The following ZNF407 variants were observed in gnomAD, a reference collection of about 807,000 sequenced individuals.
ZNF407 encodes the protein zinc finger protein 407.
In ZNF407, 17 loss-of-function variants were observed where a neutral mutation model predicts 131.2. The observed-to-expected ratio is 0.13, with a 90% CI of 0.09 to 0.19. ZNF407 has a LOEUF of 0.19. Ranked by LOEUF, ZNF407 falls within the 10% of genes least tolerant of loss-of-function variation. The pLI is 1.00. For synonymous variants in ZNF407, 1,156 were observed against 1,062.0 expected, an observed-to-expected ratio of 1.09 and a Z score of -1.72; for missense variants, 2,681 against 2,830.6, an observed-to-expected ratio of 0.95 and a Z score of 1.20.
chr18:74,842,860 G>T (rs1381405191), intron 4 of ZNF407, among the ~76,000 whole-genome samples: 1 of 151,938 alleles, frequency 6.6e-6, no homozygotes, highest in African/African-American at 2.4e-5. Flanking sequence ...AGTAGCTGGG[G>T]CATGAACCAA....
intron 3 of ZNF407, among the ~76,000 whole-genome samples, chr18:74,700,181 C>T (rs1363283976): frequency 1.3e-5 from 2 of 152,188 alleles, no homozygotes; most frequent in East Asian, 1.9e-4. Flanking sequence ...TAATATTCTG[C>T]TATTTTCTAA....
In ZNF407 at chr18:74,877,350, C is replaced by T. The variant is rs776486666; in HGVS notation, c.5031C>T (p.Tyr1677=). 3.1e-6 allele frequency: 5 copies of T among 1,613,138 alleles called. No individual in the cohort carries two copies. The East Asian group carries it at 8.9e-5, about 29-fold the overall frequency. The change falls in exon 5 of 9, where the codon TAC becomes TAT. Residue 1677 remains tyrosine (Y), a synonymous_variant. Transcript: ENST00000299687. The part of the protein sequence containing the change: ...FLTASAMKDH[Y]RTHTGEKSFL... ...CAGCCTCCGCAATGAAAGACCACTACAGGACGCACACAGGTGTGCCGCGCC... is the reference window on the plus strand; with the variant it reads ...CAGCCTCCGCAATGAAAGACCACTATAGGACGCACACAGGTGTGCCGCGCC...
chr18:74,965,844 G>A (rs1224167603), intron 8 of ZNF407, among the ~76,000 whole-genome samples: 2 of 152,066 alleles, frequency 1.3e-5, no homozygotes, highest in East Asian at 1.9e-4. Flanking sequence ...TTGAATATAA[G>A]CCATTTTAAC....
In ZNF407 at chr18:74,961,589, G is replaced by A. The variant is rs150942188; in HGVS notation, c.5428+40897G>A. Among the ~76,000 whole-genome samples the A allele has an allele frequency of 3.4e-4, 51 of 152,010 alleles. 1 individual carries two copies. Among genetic ancestry groups the A allele is most frequent in the African/African-American group, 8.2e-4 (34 of 41,450 alleles). On this transcript the variant is annotated intron_variant, in intron 8 of 8. Coordinates refer to ENST00000299687, the MANE Select transcript of ZNF407 (RefSeq NM_017757.3). ...CAAAAAATTAGCTGGGTGTGGTGACGCGTGCCAATAGTCCCAGCTACTCGG... is the reference window on the plus strand; with the variant it reads ...CAAAAAATTAGCTGGGTGTGGTGACACGTGCCAATAGTCCCAGCTACTCGG...
At chr18:74,666,101 A>AGTGG (rs1985918943) in intron 3 of ZNF407, among the ~76,000 whole-genome samples, 1 of 152,170 alleles carries the variant, frequency 6.6e-6, no homozygotes, top group Non-Finnish European at 1.5e-5. Context: ...GACGTGGTGC[A>AGTGG]GTGGGAGCCT....
At chr18:74,765,998 C>T (rs905304084) in intron 3 of ZNF407, among the ~76,000 whole-genome samples, 10 of 148,536 alleles carry the variant, frequency 6.7e-5, no homozygotes, top group Admixed American at 2.0e-4. Flanking sequence ...CTGTGATATA[C>T]GCATATTACT....
In ZNF407 at chr18:74,913,360, C is replaced by T. The variant is rs901880575; in HGVS notation, c.5250-7154C>T. ...AATAGGTTGTGTCCACACTGAAATA[C>T]TATGAAGCTGTTAAAAAGGAGAAAA... On this transcript the variant is annotated intron_variant, in intron 7 of 8. Coordinates refer to ENST00000299687, the MANE Select transcript of ZNF407 (RefSeq NM_017757.3). Among the ~76,000 whole-genome samples the T allele has an allele frequency of 5.3e-5, 8 of 152,210 alleles. No homozygotes were observed. In the East Asian group the frequency reaches 1.5e-3, roughly 29 times the overall value.
At chr18:74,977,982 G>T (rs1417101345) in intron 8 of ZNF407, among the ~76,000 whole-genome samples, 1 of 152,022 alleles carries the variant, frequency 6.6e-6, no homozygotes, top group East Asian at 1.9e-4. Flanking sequence ...ATTTTAATGT[G>T]GTCTAACTTT....
At chr18:74,829,927 A>G (rs1250860473) in intron 4 of ZNF407, among the ~76,000 whole-genome samples, 3 of 151,970 alleles carry the variant, frequency 2.0e-5, no homozygotes, top group Non-Finnish European at 4.4e-5. Context: ...TCCCGTTGTG[A>G]CTGTATTTGG....
At chr18:74,915,694 AGTGTGTGTGTGTGTGT>A (rs148897853) in intron 7 of ZNF407, among the ~76,000 whole-genome samples, 1 of 5,824 alleles carries the variant, frequency 1.7e-4, no homozygotes, top group South Asian at 0.011. Context: ...TCGAATCGGG[AGTGTGTGTGTGTGTGT>A]GTGTGTGTGT....
intron 4 of ZNF407, among the ~76,000 whole-genome samples, chr18:74,847,977 A>G (rs886916665): frequency 4.6e-5 from 7 of 151,946 alleles, no homozygotes; most frequent in Non-Finnish European, 8.8e-5. Context: ...TATACTGACT[A>G]GTTTTTTCAG....
At chr18:74,640,879 A>G (rs933926770) in intron 2 of ZNF407, 129 bp from the exon 3 acceptor site, 1 of 661,162 alleles carries the variant, frequency 1.5e-6, no homozygotes, top group Non-Finnish European at 2.7e-6. Context: ...AATGAATGCA[A>G]GTATTCCATT....
At chr18:74,710,099 C>T (rs1967722100) in intron 3 of ZNF407, among the ~76,000 whole-genome samples, 1 of 152,128 alleles carries the variant, frequency 6.6e-6, no homozygotes, top group Non-Finnish European at 1.5e-5. Flanking sequence ...AGTGCTTTGG[C>T]ATTTCAGAAG....
intron 3 of ZNF407, among the ~76,000 whole-genome samples, chr18:74,709,719 T>G (rs1325544206): frequency 6.6e-6 from 1 of 152,244 alleles, no homozygotes; most frequent in Non-Finnish European, 1.5e-5. Context: ...AATTACTGTA[T>G]CTGTGCTATG....
intron 3 of ZNF407, among the ~76,000 whole-genome samples, chr18:74,719,560 C>T (rs536188452): frequency 4.6e-5 from 7 of 152,230 alleles, no homozygotes; most frequent in South Asian, 4.1e-4. Flanking sequence ...CCACCACGCC[C>T]GGCTAATTTT....
intron 8 of ZNF407, among the ~76,000 whole-genome samples, chr18:74,950,179 A>G (rs142371803): frequency 8.1e-4 from 124 of 152,306 alleles, no homozygotes; most frequent in Middle Eastern, 3.4e-3. Context: ...CTGACTGACA[A>G]TGATCTTGGA....
chr18:74,790,484 T>A (rs537230180), intron 4 of ZNF407, among the ~76,000 whole-genome samples: 1 of 152,350 alleles, frequency 6.6e-6, no homozygotes, highest in South Asian at 2.1e-4. Flanking sequence ...CTGCTGTTTT[T>A]AAGTTTTTAA....
At chr18:74,738,233 A>G (rs1177250278) in intron 3 of ZNF407, among the ~76,000 whole-genome samples, 1 of 151,920 alleles carries the variant, frequency 6.6e-6, no homozygotes, top group Non-Finnish European at 1.5e-5. Context: ...CATCCTGGCC[A>G]ACATGGTGAA....
chr18:74,840,963 G>A (rs374857479), intron 4 of ZNF407, among the ~76,000 whole-genome samples: 6 of 152,136 alleles, frequency 3.9e-5, no homozygotes, highest in African/African-American at 9.7e-5. Flanking sequence ...ACTCATTTGC[G>A]CAGAGCTCCT....
Sources: gnomAD v4.1 joint callset for allele counts (sites outside exome capture counted in the v4.1 genomes callset) on GRCh38, gnomAD v4.1.1 for gene constraint, MANE v1.5 for transcripts, NCBI Gene and HGNC (gene_info 2026-07-23, HGNC 2026-07-21) for gene names.